The following HIVEP2 variants were observed in gnomAD, a reference collection of about 807,000 sequenced individuals.
The protein encoded by HIVEP2 is HIVEP zinc finger 2.
In HIVEP2, 14 loss-of-function variants were observed where a neutral mutation model predicts 180.7. The observed-to-expected ratio is 0.08, with a 90% confidence interval of 0.05 to 0.12. The LOEUF is 0.12. HIVEP2 is among the 10% of genes least tolerant of loss of function. The pLI, the probability that HIVEP2 is intolerant of heterozygous loss-of-function variation, is 1.00. For synonymous variants in HIVEP2, 1,184 were observed against 1,136.4 expected (o/e 1.04, Z -0.84); for missense variants, 2,579 against 3,008.5 (o/e 0.86, Z 3.34).
intron 1 of HIVEP2, among the ~76,000 whole-genome samples, chr6:142,893,821 T>C (rs1445160178): frequency 6.6e-6 from 1 of 152,172 alleles, no homozygotes; most frequent in Non-Finnish European, 1.5e-5. Flanking sequence ...CCATCCATTA[T>C]TGGTTTATAG....
chr6:142,761,616 T>C (rs753833144), intron 7 of HIVEP2, 51 bp from the exon 8 acceptor site: 5 of 937,768 alleles, frequency 5.3e-6, no homozygotes, highest in African/African-American at 1.6e-5. Flanking sequence ...ATCAAATTAA[T>C]AACTGCTGAT....
chr6:142,818,737 G>C (rs866487326), intron 2 of HIVEP2, among the ~76,000 whole-genome samples: 1 of 46,272 alleles, frequency 2.2e-5, no homozygotes. Flanking sequence ...AGAAAGAAAA[G>C]AAAGAAAGAA....
rs560512485 is a variant in HIVEP2 at position 142,788,259 on chromosome 6, T to C, written c.-527-4644A>G. 2.0e-5 allele frequency: 3 copies of C among 152,074 alleles called. No individual in the cohort carries two copies. The South Asian group carries it at 6.2e-4, about 32-fold the overall frequency. The allele number at this position is 152,074 out of a possible 1,614,324, so 9.4% of individuals were successfully genotyped here. On this transcript the variant is annotated intron_variant, in intron 2 of 9. Transcript: ENST00000367603. Reference sequence around the variant, plus strand: ...CCAATATGGCACATGTATACATATGTAACAAACCTGCACATTGTGCACATG... The same window carrying C: ...CCAATATGGCACATGTATACATATGCAACAAACCTGCACATTGTGCACATG...
intron 1 of HIVEP2, among the ~76,000 whole-genome samples, chr6:142,905,861 G>T (rs1777248355): frequency 6.6e-6 from 1 of 152,238 alleles, no homozygotes; most frequent in Non-Finnish European, 1.5e-5. Context: ...TCCGGGCGTG[G>T]TGGCTCACGC....
At chr6:142,942,199 C>G (rs1305859374) in intron 1 of HIVEP2, among the ~76,000 whole-genome samples, 1 of 151,854 alleles carries the variant, frequency 6.6e-6, no homozygotes, top group East Asian at 1.9e-4. Flanking sequence ...GAAACCCAAC[C>G]CAAATAGTGT....
In HIVEP2 at chr6:142,771,031, C is replaced by G; in HGVS notation, c.3708G>C (p.Gln1236His). ...WQAHFPHPFA[Q>H]HPQKSYGKPS... ...GCTTGCCATAGCTCTTCTGAGGGTG[C>G]TGAGCAAAGGGATGTGGGAAATGTG... The change falls in exon 5 of 10, where the codon CAG becomes CAC. Residue 1236 changes from glutamine (Q) to histidine (H), a missense_variant. By Grantham distance (24) the Gln-to-His change is conservative (BLOSUM62 0). Coordinates refer to ENST00000367603, the MANE Select transcript of HIVEP2 (RefSeq NM_006734.4). The surrounding 1 kb of genome is among the most constrained non-coding windows in gnomAD (Gnocchi z 5.4). 6.2e-7 allele frequency: 1 copy of G among 1,614,126 alleles called. No individual in the cohort carries two copies. The highest frequency in any genetic ancestry group is 8.5e-7 in the Non-Finnish European group (1 of 1,180,026).
intron 1 of HIVEP2, among the ~76,000 whole-genome samples, chr6:142,875,889 T>A (rs747848012): frequency 1.5e-5 from 2 of 133,200 alleles, no homozygotes; most frequent in African/African-American, 5.9e-5. Flanking sequence ...TCATGATAGA[T>A]CCATTAATGA....
At position 142,760,554 on chromosome 6, in the gene HIVEP2, CATT is replaced by C. The variant is rs754395313; in HGVS notation, c.5731_5733del (p.Asn1911del). The C allele has an allele frequency of 4.3e-6, 7 of 1,611,784 alleles. No homozygotes were observed. The highest frequency in any genetic ancestry group is 1.1e-5 in the South Asian group (1 of 91,026). On this transcript the variant is annotated inframe_deletion, in exon 9 of 10. Coordinates refer to ENST00000367603, the MANE Select transcript of HIVEP2 (RefSeq NM_006734.4). ...TCATCTTCATCTTCATCATCATCAT[CATT>C]ATCATCTCCATCCTCACCATCTGAT...
intron 2 of HIVEP2, among the ~76,000 whole-genome samples, chr6:142,795,756 A>T (rs1488874502): frequency 1.3e-5 from 2 of 152,206 alleles, no homozygotes; most frequent in African/African-American, 4.8e-5. Context: ...ATGGAAGAAG[A>T]GCATGAGAAA....
intron 1 of HIVEP2, among the ~76,000 whole-genome samples, chr6:142,867,715 G>T (rs750024809): frequency 8.5e-5 from 13 of 152,170 alleles, no homozygotes; most frequent in Non-Finnish European, 1.9e-4. Context: ...AAAAGAATTT[G>T]TGTATGCTGC....
intron 2 of HIVEP2, among the ~76,000 whole-genome samples, chr6:142,835,354 G>A (rs1326814425): frequency 2.0e-5 from 3 of 152,178 alleles, no homozygotes; most frequent in Non-Finnish European, 4.4e-5. Context: ...TGATAAAACA[G>A]TCGCTTGAAC....
intron 1 of HIVEP2, among the ~76,000 whole-genome samples, chr6:142,928,232 C>A (rs770790640): frequency 7.9e-5 from 12 of 152,142 alleles, no homozygotes; most frequent in Non-Finnish European, 1.6e-4. Flanking sequence ...TGCTGAGAAG[C>A]TAAAACTACC....
At chr6:142,775,242 C>G (rs1202848320) in intron 4 of HIVEP2, 117 bp from the exon 5 acceptor site, 2 of 186,212 alleles carry the variant, frequency 1.1e-5, no homozygotes, top group African/African-American at 2.4e-5. Context: ...TTTTTTACTC[C>G]AAGGAATTAT....
At chr6:142,793,715 T>TCTG (rs1776215851) in intron 2 of HIVEP2, among the ~76,000 whole-genome samples, 1 of 141,896 alleles carries the variant, frequency 7.0e-6, no homozygotes, top group African/African-American at 2.7e-5. Flanking sequence ...CTTTCTTTCC[T>TCTG]TCTTTCTTTC....
At chr6:142,791,373 G>C (rs2114723123) in intron 2 of HIVEP2, among the ~76,000 whole-genome samples, 1 of 152,266 alleles carries the variant, frequency 6.6e-6, no homozygotes, top group African/African-American at 2.4e-5. Context: ...TTGCACAAAT[G>C]AATTAACTAG....
At chr6:142,823,439 G>A (rs75226668) in intron 2 of HIVEP2, among the ~76,000 whole-genome samples, 1,617 of 152,256 alleles carry the variant, frequency 0.011, 27 homozygotes, top group African/African-American at 0.037. Context: ...CTGAAGGTTC[G>A]TGGATTGTGA....
At chr6:142,785,460 G>C (rs914974859) in intron 2 of HIVEP2, among the ~76,000 whole-genome samples, 1 of 151,900 alleles carries the variant, frequency 6.6e-6, no homozygotes, top group African/African-American at 2.4e-5. Context: ...ACTTGCAGTA[G>C]TCAGTGACTA....
chr6:142,784,951 G>A (rs932565147), intron 2 of HIVEP2, among the ~76,000 whole-genome samples: 2 of 151,880 alleles, frequency 1.3e-5, no homozygotes, highest in Non-Finnish European at 1.5e-5. Context: ...GCAGTGGCGC[G>A]ATCTCGGCTC....
chr6:142,906,374 T>C (rs1294936952), intron 1 of HIVEP2, among the ~76,000 whole-genome samples: 1 of 151,914 alleles, frequency 6.6e-6, no homozygotes. Flanking sequence ...AAAAAGCTCA[T>C]AGAAACTTAC....
Sources: gnomAD v4.1 joint callset for allele counts (sites outside exome capture counted in the v4.1 genomes callset) on GRCh38, gnomAD v4.1.1 for gene constraint, Gnocchi (gnomAD v3.1) non-coding constraint, MANE v1.5 for transcripts, NCBI Gene and HGNC (gene_info 2026-07-23, HGNC 2026-07-21) for gene names.